Variants in STAG1 observed in about 807,000 individuals in gnomAD.
STAG1 encodes STAG1 cohesin complex component.
STAG1 carries 26 observed loss-of-function variants against 170.9 expected under a neutral mutation model. That is an observed-to-expected ratio of 0.15 (90% CI 0.11 to 0.21). The LOEUF is 0.21. STAG1 is among the 10% of genes least tolerant of loss of function. STAG1 has a pLI of 1.00. For synonymous variants in STAG1, 514 were observed against 497.7 expected (o/e 1.03, Z -0.44); for missense variants, 964 against 1,509.5 (o/e 0.64, Z 5.99).
At chr3:136,463,789 A>ACACG (rs1285975914) in intron 13 of STAG1, among the ~76,000 whole-genome samples, 1 of 128,636 alleles carries the variant, frequency 7.8e-6, no homozygotes, top group Non-Finnish European at 1.7e-5. Context: ...ACACACACAC[A>ACACG]CATATACATA....
chr3:136,573,547 T>C (rs1002647800), intron 4 of STAG1, among the ~76,000 whole-genome samples: 4 of 152,024 alleles, frequency 2.6e-5, no homozygotes, highest in Non-Finnish European at 5.9e-5. Context: ...AAAAAGTCCA[T>C]TCTGAATTTT....
chr3:136,698,086 C>A (rs1942952124), intron 1 of STAG1, among the ~76,000 whole-genome samples: 1 of 150,292 alleles, frequency 6.7e-6, no homozygotes, highest in African/African-American at 2.4e-5. Flanking sequence ...ATCAGAAAAA[C>A]TCTTCTAGAC....
chr3:136,468,714 G>A (rs922995138), intron 12 of STAG1, among the ~76,000 whole-genome samples: 4 of 152,166 alleles, frequency 2.6e-5, no homozygotes, highest in African/African-American at 9.7e-5. Flanking sequence ...TATCCCTGAT[G>A]AACATTCACG....
intron 26 of STAG1, 119 bp downstream of exon 26, chr3:136,363,247 G>T: frequency 1.8e-6 from 1 of 563,010 alleles, no homozygotes; most frequent in South Asian, 2.6e-5. Context: ...GTAATGCACT[G>T]ACAAAATGAT....
Position 136,604,472 on chromosome 3 carries a change from G to C in STAG1, c.134C>G (p.Ser45Cys), listed in dbSNP as rs761655068. The change falls in exon 4 of 34, where the codon TCT becomes TGT. Residue 45 changes from serine to cysteine, a missense_variant and splice_region_variant. Ser to Cys is a moderately radical substitution (Grantham distance 112). Transcript: ENST00000383202. ...RKRGRPGRPP[S>C]TNKKPRKSPG... ...AGATTTTCGAGGTTTCTTATTTGTA[G>C]ACTGAAAAAAAGATAAAAAAAGATT... The C allele has an allele frequency of 1.9e-6, 3 of 1,587,772 alleles. No homozygotes were observed. In the South Asian group the frequency reaches 3.5e-5, roughly 19 times the overall value.
chr3:136,516,423 G>A (rs1020137830), intron 7 of STAG1, among the ~76,000 whole-genome samples: 2 of 152,134 alleles, frequency 1.3e-5, no homozygotes, highest in South Asian at 2.1e-4. Flanking sequence ...TGGAAGGATC[G>A]CTTGAGCCTG....
intron 3 of STAG1, among the ~76,000 whole-genome samples, chr3:136,620,935 CACA>C (rs1939817769): frequency 6.6e-6 from 1 of 151,942 alleles, no homozygotes. Context: ...ATCAAAAAAG[CACA>C]ACATTGGTGA....
At chr3:136,655,959 G>A (rs1941357996) in intron 1 of STAG1, among the ~76,000 whole-genome samples, 1 of 152,056 alleles carries the variant, frequency 6.6e-6, no homozygotes, top group Admixed American at 6.5e-5. Context: ...AGGTCTTGAA[G>A]ACATATTTAT....
chr3:136,433,595 A>G lies in STAG1; in HGVS notation c.1611T>C (p.Ala537=), dbSNP rs2088371957. ...ELMVCTIRQA[A]EAHPPVGRGT... is the part of the protein sequence containing the mutation. ...CCCTTCCCACTGGAGGATGTGCCTCAGCAGCTTGACGAATTGTACAAACCA... is the reference window on the plus strand; with the variant it reads ...CCCTTCCCACTGGAGGATGTGCCTCGGCAGCTTGACGAATTGTACAAACCA... Residue 537 remains alanine, a synonymous_variant, in exon 16 of 34, where the codon GCT becomes GCC. Transcript: ENST00000383202. 2.5e-6 allele frequency: 4 copies of G among 1,600,542 alleles called. No individual in the cohort carries two copies. The South Asian group carries it at 4.5e-5, about 18-fold the overall frequency.
intron 1 of STAG1, among the ~76,000 whole-genome samples, chr3:136,663,071 G>A (rs1044433327): frequency 2.0e-5 from 3 of 151,560 alleles, no homozygotes; most frequent in African/African-American, 7.3e-5. Flanking sequence ...AAATAAAATA[G>A]TAAAATTAAA....
chr3:136,707,874 T>C (rs964303318), intron 1 of STAG1, among the ~76,000 whole-genome samples: 4 of 152,078 alleles, frequency 2.6e-5, no homozygotes, highest in African/African-American at 9.7e-5. Flanking sequence ...TACCTCCCAA[T>C]AGGTCCCACC....
chr3:136,614,378 T>C (rs1397407152), intron 3 of STAG1, among the ~76,000 whole-genome samples: 1 of 152,186 alleles, frequency 6.6e-6, no homozygotes, highest in Non-Finnish European at 1.5e-5. Flanking sequence ...GGGTTATTAA[T>C]ACAGAAATTA....
intron 3 of STAG1, among the ~76,000 whole-genome samples, chr3:136,606,190 G>T (rs1258822969): frequency 5.3e-5 from 8 of 151,378 alleles, no homozygotes; most frequent in Non-Finnish European, 3.0e-5. Context: ...TACTTTCTTT[G>T]AATTTTTTTT....
intron 1 of STAG1, among the ~76,000 whole-genome samples, chr3:136,655,144 C>T (rs560867448): frequency 1.3e-5 from 2 of 152,246 alleles, no homozygotes; most frequent in Admixed American, 1.3e-4. Flanking sequence ...CTGGACTTCA[C>T]AAAAATTTTA....
At chr3:136,507,401 T>TCA (rs779412727) in intron 7 of STAG1, among the ~76,000 whole-genome samples, 12 of 152,172 alleles carry the variant, frequency 7.9e-5, no homozygotes, top group Non-Finnish European at 1.6e-4. Context: ...TCTTGCTCTG[T>TCA]CACTCAGAAT....
At chr3:136,348,949 G>A in intron 29 of STAG1, 8 of 572,012 alleles carry the variant, frequency 1.4e-5, no homozygotes, top group South Asian at 1.2e-4. Flanking sequence ...GTCTTCCTTT[G>A]TGCTCCATGC....
intron 6 of STAG1, among the ~76,000 whole-genome samples, chr3:136,531,069 A>G (rs753921726): frequency 3.3e-5 from 5 of 152,140 alleles, no homozygotes; most frequent in Non-Finnish European, 7.4e-5. Flanking sequence ...CACGCACTGC[A>G]CTCTAGCCTG....
chr3:136,436,988 G>A (rs2088480266), intron 15 of STAG1, among the ~76,000 whole-genome samples: 3 of 152,096 alleles, frequency 2.0e-5, no homozygotes, highest in Admixed American at 1.3e-4. Context: ...AAAGCTTTTT[G>A]CTCAATAACA....
At chr3:136,719,042 T>A (rs34738913) in intron 1 of STAG1, among the ~76,000 whole-genome samples, 14,611 of 152,198 alleles carry the variant, frequency 0.096, 920 homozygotes, top group Middle Eastern at 0.16. Flanking sequence ...GCAATTCCAA[T>A]CCTAGGTATC....
Sources: allele counts gnomAD v4.1 joint callset (sites outside exome capture counted in the v4.1 genomes callset), GRCh38; gene constraint gnomAD v4.1.1; transcripts MANE v1.5; gene names NCBI Gene and HGNC (gene_info 2026-07-23, HGNC 2026-07-21).